TJP2: variants seen among roughly 807,000 people sequenced by gnomAD.
The protein encoded by TJP2 is Friedreich ataxia region gene X104 (tight junction protein ZO-2).
In TJP2, 91 loss-of-function variants were observed where a neutral mutation model predicts 133.1. The observed-to-expected ratio is 0.68, with a 90% CI of 0.58 to 0.81. The LOEUF (loss-of-function observed/expected upper bound fraction) is 0.81, where lower values mean the gene tolerates loss of function less well. Ranked by LOEUF, TJP2 falls within the 40% of genes least tolerant of loss-of-function variation. The pLI is 0.00. For synonymous variants in TJP2, 592 were observed against 583.4 expected (o/e 1.01, Z -0.21); for missense variants, 1,541 against 1,565.6 (o/e 0.98, Z 0.26).
intron 17 of TJP2, among the ~76,000 whole-genome samples, chr9:69,242,894 C>A (rs1830666579): frequency 6.6e-6 from 1 of 152,230 alleles, no homozygotes; most frequent in African/African-American, 2.4e-5. Context: ...GACATAGTCT[C>A]CCTCTGTCGC....
chr9:69,214,094 A>G (rs1342103922), intron 2 of TJP2, among the ~76,000 whole-genome samples: 1 of 152,226 alleles, frequency 6.6e-6, no homozygotes, highest in East Asian at 1.9e-4. Flanking sequence ...AGATACATAT[A>G]TATATTTTTG....
intron 1 of TJP2, among the ~76,000 whole-genome samples, chr9:69,200,474 A>G (rs1826906445): frequency 6.6e-6 from 1 of 152,162 alleles, no homozygotes; most frequent in Admixed American, 6.5e-5. Flanking sequence ...TGTAGCCTCC[A>G]ACTCCTGTGC....
At chr9:69,153,659 G>T (rs142162907) in intron 2 of TJP2, among the ~76,000 whole-genome samples, 22 of 152,312 alleles carry the variant, frequency 1.4e-4, no homozygotes, top group African/African-American at 5.3e-4. Flanking sequence ...AATTGGAGGG[G>T]TACTATAGAG....
At chr9:69,238,007 T>A (rs1220946549) in intron 15 of TJP2, 34 bp downstream of exon 15, 1 of 1,534,768 alleles carries the variant, frequency 6.5e-7, no homozygotes, top group Non-Finnish European at 9.0e-7. Flanking sequence ...TCCCCCAAAT[T>A]TTTATTTTGA....
intron 15 of TJP2, 125 bp from the exon 16 acceptor site, chr9:69,238,585 C>T (rs1244528928): frequency 1.3e-6 from 1 of 783,400 alleles, no homozygotes; most frequent in Non-Finnish European, 2.2e-6. Flanking sequence ...GTGGGTCCTT[C>T]CCACTGAATC....
Position 69,221,142 on chromosome 9 carries a change from A to G in TJP2, c.598A>G (p.Ser200Gly). 6.3e-7 allele frequency: 1 copy of G among 1,592,796 alleles called. No homozygotes were observed. Among genetic ancestry groups the G allele is most frequent in the South Asian group, 1.1e-5 (1 of 88,490 alleles). ...CAGCCGGGACCGGAGCCGTGGCCGG[A>G]GCCTGGAGCGGGGCCTGGACCAAGA... is the stretch of plus-strand genomic sequence containing the variant. ...DLSRDRSRGR[S>G]LERGLDQDHA... is the part of the protein sequence containing the mutation. The change falls in exon 5 of 23, where the codon AGC becomes GGC. Residue 200 changes from serine to glycine, a missense_variant. Physicochemically the swap from Ser to Gly is moderately conservative, Grantham distance 56. Coordinates refer to ENST00000377245, the MANE Select transcript of TJP2 (RefSeq NM_004817.4).
At chr9:69,205,032 A>G in intron 1 of TJP2, 1 of 1,430,696 alleles carries the variant, frequency 7.0e-7, no homozygotes, top group Non-Finnish European at 9.1e-7. Flanking sequence ...TCACTGTGTG[A>G]GATGACAACA....
In TJP2 at chr9:69,156,293, G is replaced by T. The variant is rs12379603; in HGVS notation, c.-10+4522G>T. On this transcript the variant is annotated intron_variant, in intron 2 of 5. Coordinates refer to the TJP2 transcript ENST00000423935. The stretch of plus-strand genomic sequence containing the variant: ...GCACCAGAACTGCTTGAACCTGGGA[G>T]GCAGAGGTTGCGGTGAGCTGAGATT... 1.6e-4 allele frequency among the ~76,000 whole-genome samples: 25 copies of T among 152,044 alleles called. 1 individual carries two copies. The highest frequency in any genetic ancestry group is 2.2e-4 in the Non-Finnish European group (15 of 67,974).
At chr9:69,253,002 A>AT (rs1831453465) in intron 22 of TJP2, 102 bp downstream of exon 22, 19 of 1,064,670 alleles carry the variant, frequency 1.8e-5, no homozygotes, top group South Asian at 6.8e-5. Flanking sequence ...TAACAGGAGG[A>AT]TTTTTTCCCC....
chr9:69,215,080 C>A (rs1348241995), intron 2 of TJP2, among the ~76,000 whole-genome samples: 1 of 152,154 alleles, frequency 6.6e-6, no homozygotes, highest in Non-Finnish European at 1.5e-5. Flanking sequence ...AAACCAAATA[C>A]TGCATGTTCT....
At chr9:69,200,155 C>T (rs191536056) in intron 1 of TJP2, among the ~76,000 whole-genome samples, 32 of 152,318 alleles carry the variant, frequency 2.1e-4, no homozygotes, top group East Asian at 5.8e-4. Flanking sequence ...ACTGCCCGGC[C>T]GCACTGAGTA....
chr9:69,140,089 C>T (rs1169634529), intron 1 of TJP2, among the ~76,000 whole-genome samples: 2 of 152,118 alleles, frequency 1.3e-5, no homozygotes, highest in Non-Finnish European at 2.9e-5. Flanking sequence ...TTTAAGTCAT[C>T]GTGTTCCAGT....
chr9:69,216,432 C>T lies in TJP2; in HGVS notation c.208C>T (p.Leu70Phe). Residue 70 changes from leucine to phenylalanine, a missense_variant, in exon 3 of 23, where the codon CTC becomes TTC. By Grantham distance (22) the Leu-to-Phe change is conservative (BLOSUM62 0). Transcript: ENST00000377245. Reference sequence around the variant, plus strand: ...AACGTCAATTGTCATTTCTGATGTGCTCCCGGGTGGGCCTGCTGATGGGCT... The same window carrying T: ...AACGTCAATTGTCATTTCTGATGTGTTCCCGGGTGGGCCTGCTGATGGGCT... ...GETSIVISDV[L>F]PGGPADGLLQ... 6.2e-7 allele frequency: 1 copy of T among 1,614,196 alleles called. No homozygotes were observed. Among genetic ancestry groups the T allele is most frequent in the Non-Finnish European group, 8.5e-7 (1 of 1,180,034 alleles).
At chr9:69,138,790 G>C (rs1822887999) in intron 1 of TJP2, among the ~76,000 whole-genome samples, 1 of 152,170 alleles carries the variant, frequency 6.6e-6, no homozygotes, top group South Asian at 2.1e-4. Flanking sequence ...GGTGGAGCAT[G>C]CCTGTAATCC....
chr9:69,178,279 A>G (rs1186053651), intron 1 of TJP2, among the ~76,000 whole-genome samples: 1 of 152,242 alleles, frequency 6.6e-6, no homozygotes, highest in East Asian at 1.9e-4. Context: ...TTTTTCAATT[A>G]TGATGCATGA....
At chr9:69,218,116 C>T (rs1828532279) in intron 3 of TJP2, 141 bp from the exon 4 acceptor site, 3 of 686,410 alleles carry the variant, frequency 4.4e-6, no homozygotes, top group East Asian at 5.6e-5. Flanking sequence ...GCCAAGTTGA[C>T]TGGGCCTTGG....
At position 69,189,982 on chromosome 9, in the gene TJP2, C is replaced by T. The variant is rs571445800; in HGVS notation, c.60+15550C>T. Among the ~76,000 whole-genome samples the T allele has an allele frequency of 3.2e-4, 36 of 111,388 alleles. 10 individuals are homozygous for T. Among genetic ancestry groups the T allele is most frequent in the African/African-American group, 1.1e-3 (32 of 29,794 alleles). 73.1% of individuals were successfully genotyped at this position (111,388 alleles called of 152,430 possible). On this transcript the variant is annotated intron_variant, in intron 1 of 22. Transcript: ENST00000377245. Reference sequence around the variant, plus strand: ...GAAATTAGCCGGGTATGGTGGTGGACGCCTGTAGTCCCAGCTACTTGGGAG... The same window carrying T: ...GAAATTAGCCGGGTATGGTGGTGGATGCCTGTAGTCCCAGCTACTTGGGAG...
intron 1 of TJP2, among the ~76,000 whole-genome samples, chr9:69,192,953 ACT>A (rs1826305474): frequency 1.6e-5 from 2 of 127,788 alleles, no homozygotes; most frequent in African/African-American, 6.1e-5. Context: ...ATGTGGTCTC[ACT>A]CTGTCACCCA....
chr9:69,199,557 C>G (rs546737962), intron 1 of TJP2, among the ~76,000 whole-genome samples: 3 of 152,104 alleles, frequency 2.0e-5, no homozygotes, highest in African/African-American at 7.2e-5. Flanking sequence ...CACGCATGCA[C>G]GTACGCACGC....
Sources: allele counts gnomAD v4.1 joint callset (sites outside exome capture counted in the v4.1 genomes callset), GRCh38; gene constraint gnomAD v4.1.1; transcripts MANE v1.5; gene names NCBI Gene and HGNC (gene_info 2026-07-23, HGNC 2026-07-21).